The following SRPK1 variants were observed in gnomAD, a reference collection of about 807,000 sequenced individuals.
SRPK1 encodes the protein SFRS protein kinase 1.
Under a neutral mutation model 89.5 loss-of-function variants are expected in SRPK1, and 52 were observed. That is an observed-to-expected ratio of 0.58 (90% confidence interval 0.46 to 0.73). The LOEUF (loss-of-function observed/expected upper bound fraction) is 0.73, where lower values mean the gene tolerates loss of function less well. SRPK1 is among the 30% of genes least tolerant of loss of function. SRPK1 has a pLI of 0.00. For synonymous variants in SRPK1, 255 were observed against 270.2 expected (o/e 0.94, Z 0.55); for missense variants, 603 against 780.6 (o/e 0.77, Z 2.71).
intron 6 of SRPK1, among the ~76,000 whole-genome samples, chr6:35,883,943 C>T (rs1770350990): frequency 6.6e-6 from 1 of 151,904 alleles, no homozygotes; most frequent in Non-Finnish European, 1.5e-5. Flanking sequence ...CCGTGTTAGC[C>T]AAGATGGTCT....
chr6:35,861,401 T>C (rs1769779843), intron 12 of SRPK1, among the ~76,000 whole-genome samples: 1 of 152,210 alleles, frequency 6.6e-6, no homozygotes, highest in African/African-American at 2.4e-5. Flanking sequence ...CACAGGCATC[T>C]GAGTCTAAGC....
intron 12 of SRPK1, among the ~76,000 whole-genome samples, chr6:35,859,392 AAAG>A (rs1581999875): frequency 6.6e-6 from 1 of 152,158 alleles, no homozygotes; most frequent in Admixed American, 6.5e-5. Flanking sequence ...ATAAGCAAAA[AAAG>A]AAAAAAGAAT....
chr6:35,853,065 C>T (rs902926377), intron 13 of SRPK1, among the ~76,000 whole-genome samples: 1 of 152,188 alleles, frequency 6.6e-6, no homozygotes, highest in African/African-American at 2.4e-5. Flanking sequence ...CATAGCAAGA[C>T]CTGGTCTCTA....
chr6:35,848,912 C>T (rs77894104), intron 13 of SRPK1, among the ~76,000 whole-genome samples: 1,623 of 152,202 alleles, frequency 0.011, 31 homozygotes, highest in African/African-American at 0.037. Context: ...GGGGGAAACC[C>T]ACATGACATT....
chr6:35,871,173 G>A (rs1392734819), intron 8 of SRPK1, among the ~76,000 whole-genome samples: 2 of 152,032 alleles, frequency 1.3e-5, no homozygotes, highest in Non-Finnish European at 2.9e-5. Context: ...AAAAAAAAGG[G>A]ATAAATAAAA....
At position 35,903,902 on chromosome 6, in the gene SRPK1, G is replaced by A. The variant is rs553784723; in HGVS notation, c.75-12889C>T. ...GCACGTAGCAGCCTTGACCTTCCAG[G>A]CTGAAGCAATCCCACTTTAGCTTTC... On this transcript the variant is annotated intron_variant, in intron 2 of 15. Transcript: ENST00000373825. Among the ~76,000 whole-genome samples the A allele has an allele frequency of 1.1e-4, 16 of 152,186 alleles. No individual in the cohort carries two copies. The East Asian group carries it at 1.4e-3, about 13-fold the overall frequency.
chr6:35,899,436 T>G (rs570555904), intron 2 of SRPK1, among the ~76,000 whole-genome samples: 15 of 152,300 alleles, frequency 9.8e-5, no homozygotes, highest in African/African-American at 3.1e-4. Context: ...ACTTGGCATT[T>G]TATTGTCTTC....
intron 2 of SRPK1, among the ~76,000 whole-genome samples, chr6:35,894,769 C>T (rs753141350): frequency 2.0e-5 from 3 of 151,882 alleles, no homozygotes; most frequent in Non-Finnish European, 4.4e-5. Flanking sequence ...TAAGTATCAA[C>T]AACATTTGAG....
chr6:35,843,673 T>G (rs920089518), intron 13 of SRPK1, among the ~76,000 whole-genome samples: 2 of 151,988 alleles, frequency 1.3e-5, no homozygotes, highest in South Asian at 4.1e-4. Flanking sequence ...ATGGTCTCAA[T>G]CTCTTGACCT....
intron 6 of SRPK1, among the ~76,000 whole-genome samples, chr6:35,881,166 C>T (rs950648841): frequency 1.2e-4 from 19 of 152,108 alleles, no homozygotes; most frequent in African/African-American, 4.1e-4. Context: ...AGTTCATTAC[C>T]AGATGTGCCC....
intron 13 of SRPK1, among the ~76,000 whole-genome samples, chr6:35,853,666 C>T (rs547011143): frequency 1.1e-3 from 161 of 152,330 alleles, no homozygotes; most frequent in African/African-American, 3.8e-3. Context: ...GGGAGTCCTA[C>T]AAATCCTGCC....
At chr6:35,842,379 C>A (rs769029968) in intron 14 of SRPK1, among the ~76,000 whole-genome samples, 156 bp downstream of exon 14, 8 of 152,134 alleles carry the variant, frequency 5.3e-5, no homozygotes, top group Non-Finnish European at 1.0e-4. Context: ...TATCTAAAAA[C>A]CTAATATAAA....
intron 14 of SRPK1, among the ~76,000 whole-genome samples, chr6:35,841,158 T>C (rs551905607): frequency 1.8e-4 from 27 of 151,946 alleles, no homozygotes; most frequent in African/African-American, 4.1e-4. Context: ...CCCAGAAAAA[T>C]AGCAAGCAGA....
intron 12 of SRPK1, among the ~76,000 whole-genome samples, chr6:35,868,013 C>T (rs762381426): frequency 1.5e-4 from 23 of 151,948 alleles, no homozygotes; most frequent in Non-Finnish European, 2.8e-4. Context: ...ACTCTTGCTG[C>T]CCAGGCTGGA....
intron 15 of SRPK1, among the ~76,000 whole-genome samples, chr6:35,836,327 C>T (rs992803151): frequency 6.6e-6 from 1 of 152,134 alleles, no homozygotes; most frequent in Admixed American, 6.6e-5. Flanking sequence ...TCCACAAAAC[C>T]AGTCCCTGGT....
chr6:35,921,058 G>T lies in SRPK1; in HGVS notation c.-2C>A, dbSNP rs202029448. The T allele has an allele frequency of 6.5e-6, 10 of 1,536,238 alleles. No homozygotes were observed. The highest frequency in any genetic ancestry group is 3.9e-5 in the Admixed American group (2 of 51,368). ...CCACCGCTCACCTTTCCGCTCCATG[G>T]TGAGACCGGTAATCGCCAGGCGCCT... On this transcript the variant is annotated 5_prime_UTR_variant, in exon 1 of 16. Coordinates refer to ENST00000373825, the MANE Select transcript of SRPK1 (RefSeq NM_003137.5).
In SRPK1 at chr6:35,869,854, T is replaced by C. The variant is rs1338739335; in HGVS notation, c.1039A>G (p.Thr347Ala). Residue 347 changes from threonine to alanine, a missense_variant, in exon 11 of 16, where the codon ACA becomes GCA. Coordinates refer to ENST00000373825, the MANE Select transcript of SRPK1 (RefSeq NM_003137.5). ...TTAATTTCTGCTGCACCACCCTCTGTATCACGTTCCATAAGCGTTTGATCC... is the reference window on the plus strand; with the variant it reads ...TTAATTTCTGCTGCACCACCCTCTGCATCACGTTCCATAAGCGTTTGATCC... Reference protein sequence around the residue: ...GQDQTLMERDTEGGAAEINCN... With the variant: ...GQDQTLMERDAEGGAAEINCN... 1.2e-6 allele frequency: 2 copies of C among 1,602,186 alleles called. No homozygotes were observed. The highest frequency in any genetic ancestry group is 8.5e-7 in the Non-Finnish European group (1 of 1,174,368).
intron 2 of SRPK1, among the ~76,000 whole-genome samples, chr6:35,891,640 T>C (rs750804895): frequency 2.6e-5 from 4 of 151,710 alleles, no homozygotes; most frequent in Non-Finnish European, 4.4e-5. Flanking sequence ...GGCAGGAGAA[T>C]TGCTTGAACC....
At chr6:35,852,111 CA>C (rs1769569250) in intron 13 of SRPK1, among the ~76,000 whole-genome samples, 2 of 152,184 alleles carry the variant, frequency 1.3e-5, no homozygotes, top group African/African-American at 4.8e-5. Flanking sequence ...GAAGGTCCTA[CA>C]GTTAATTAAC....
Sources: gnomAD v4.1 joint callset for allele counts (sites outside exome capture counted in the v4.1 genomes callset) on GRCh38, gnomAD v4.1.1 for gene constraint, MANE v1.5 for transcripts, NCBI Gene and HGNC (gene_info 2026-07-23, HGNC 2026-07-21) for gene names.